Variants in CSMD2 observed in about 807,000 individuals in gnomAD.
CSMD2 encodes the protein CUB and Sushi multiple domains 2, also known as CUB and sushi domain-containing protein 2.
A neutral mutation model predicts 398.5 loss-of-function variants in CSMD2; 130 were observed. That is an observed-to-expected ratio of 0.33 (90% CI 0.28 to 0.38). CSMD2 has a LOEUF of 0.38. CSMD2 is among the 10% of genes least tolerant of loss of function. CSMD2 has a pLI of 1.00. For synonymous variants in CSMD2, 1,828 were observed against 1,908.5 expected, an observed-to-expected ratio of 0.96 and a Z score of 1.10; for missense variants, 3,829 against 4,764.9, an observed-to-expected ratio of 0.80 and a Z score of 5.78.
At chr1:33,541,593 A>C (rs1656347047) in intron 58 of CSMD2, among the ~76,000 whole-genome samples, 1 of 152,166 alleles carries the variant, frequency 6.6e-6, no homozygotes, top group Non-Finnish European at 1.5e-5. Flanking sequence ...CAGCCTTCTG[A>C]GTAGCTGGGA....
At chr1:33,958,072 C>T (rs553329071) in intron 3 of CSMD2, among the ~76,000 whole-genome samples, 13 of 152,108 alleles carry the variant, frequency 8.5e-5, no homozygotes, top group African/African-American at 3.1e-4. Flanking sequence ...CATGGCAACG[C>T]TTTATGAAAC....
At chr1:33,528,310 A>G (rs1453396893) in intron 64 of CSMD2, among the ~76,000 whole-genome samples, 1 of 152,244 alleles carries the variant, frequency 6.6e-6, no homozygotes, top group Non-Finnish European at 1.5e-5. Flanking sequence ...TGAACAGGAA[A>G]GTCATGACCA....
intron 3 of CSMD2, among the ~76,000 whole-genome samples, chr1:33,938,504 T>C (rs60922716): frequency 1.8e-4 from 24 of 130,224 alleles, no homozygotes; most frequent in Middle Eastern, 5.7e-3. Flanking sequence ...CTGCTGCTGG[T>C]TTACTTGGCA....
chr1:33,517,698 A>T (rs892810442), intron 70 of CSMD2, among the ~76,000 whole-genome samples: 2 of 152,192 alleles, frequency 1.3e-5, no homozygotes, highest in African/African-American at 2.4e-5. Flanking sequence ...TGTTTTGGAG[A>T]GACGTAAAAA....
At chr1:33,874,821 G>C (rs925786947) in intron 5 of CSMD2, among the ~76,000 whole-genome samples, 1 of 152,204 alleles carries the variant, frequency 6.6e-6, no homozygotes, top group South Asian at 2.1e-4. Flanking sequence ...ATGTTACAAC[G>C]AACAGATGCG....
intron 25 of CSMD2, among the ~76,000 whole-genome samples, chr1:33,669,373 C>G (rs1419673649): frequency 6.6e-6 from 1 of 151,966 alleles, no homozygotes; most frequent in African/African-American, 2.4e-5. Flanking sequence ...GATCCAGTTC[C>G]CCTCCCATCC....
chr1:33,514,246 C>T lies in CSMD2; in HGVS notation c.*2378G>A, dbSNP rs1192274534. 5 of 150,188 alleles carry T rather than the reference C, an allele frequency of 3.3e-5. No homozygotes were observed. The highest frequency in any genetic ancestry group is 2.0e-4 in the East Asian group (1 of 5,096). 9.3% of individuals were successfully genotyped at this position (150,188 alleles called of 1,614,324 possible). On this transcript the variant is annotated 3_prime_UTR_variant, in exon 71 of 71. Transcript: ENST00000373381. ...CATTTACAAAAAAGGCTTCCACTACCGTTTACCTACAATAATGAAAAAAAA... is the reference window on the plus strand; with the variant it reads ...CATTTACAAAAAAGGCTTCCACTACTGTTTACCTACAATAATGAAAAAAAA...
At chr1:33,699,633 C>T (rs1257504234) in intron 23 of CSMD2, among the ~76,000 whole-genome samples, 1 of 152,162 alleles carries the variant, frequency 6.6e-6, no homozygotes, top group Non-Finnish European at 1.5e-5. Context: ...TGAGCCCAGA[C>T]GAGGGGAAAC....
intron 1 of CSMD2, among the ~76,000 whole-genome samples, chr1:34,132,696 T>C (rs1250678992): frequency 6.6e-6 from 1 of 152,168 alleles, no homozygotes; most frequent in East Asian, 1.9e-4. Flanking sequence ...AAGAGGCAAA[T>C]TCTCTCTCCT....
chr1:33,883,709 G>C (rs1196501503), intron 5 of CSMD2, among the ~76,000 whole-genome samples: 1 of 152,188 alleles, frequency 6.6e-6, no homozygotes, highest in Non-Finnish European at 1.5e-5. Flanking sequence ...GGAGTCTACA[G>C]TCAAAGACCC....
chr1:33,962,033 C>T (rs1019748023), intron 3 of CSMD2, among the ~76,000 whole-genome samples: 4 of 152,150 alleles, frequency 2.6e-5, no homozygotes, highest in African/African-American at 9.7e-5. Flanking sequence ...CAGACACTGG[C>T]ACCTAGTAAG....
chr1:34,150,403 T>A (rs1189563622), intron 1 of CSMD2, among the ~76,000 whole-genome samples: 1 of 152,156 alleles, frequency 6.6e-6, no homozygotes, highest in Non-Finnish European at 1.5e-5. Flanking sequence ...CATTTTTAAC[T>A]GGGAAACCTG....
chr1:34,062,053 T>C (rs1372427526), intron 2 of CSMD2, among the ~76,000 whole-genome samples: 1 of 152,204 alleles, frequency 6.6e-6, no homozygotes, highest in Admixed American at 6.5e-5. Context: ...CCCAATGTCA[T>C]GAGTGTGCTG....
rs374649925 is a variant in CSMD2, at chr1:33,533,950, G to A, written c.9880-43C>T. The A allele has an allele frequency of 4.7e-4, 605 of 1,284,238 alleles. No homozygotes were observed. The African/African-American group carries it at 6.2e-3, about 13-fold the overall frequency. 79.6% of individuals were successfully genotyped at this position (1,284,238 alleles called of 1,614,324 possible). A position where few individuals can be genotyped will look rare whatever the true frequency, so the allele number is the denominator to read the frequency against. ...GTCCCATCAGCCCCTTCCTTTCAGC[G>A]GTGCTTCCTACGTCTGTCCCTTGAC... On this transcript the variant is annotated intron_variant, in intron 62 of 70. Transcript: ENST00000373381. The surrounding 1 kb of genome is among the most constrained non-coding windows in gnomAD (Gnocchi z 4.2).
chr1:33,906,500 A>C (rs189718041), intron 5 of CSMD2, among the ~76,000 whole-genome samples: 2 of 152,336 alleles, frequency 1.3e-5, no homozygotes, highest in Non-Finnish European at 2.9e-5. Flanking sequence ...CAGTGGTAGA[A>C]AGGATGGAAA....
chr1:33,613,355 G>T (rs1054658091), intron 40 of CSMD2, among the ~76,000 whole-genome samples: 1 of 152,166 alleles, frequency 6.6e-6, no homozygotes, highest in African/African-American at 2.4e-5. Flanking sequence ...CCTCAAGACT[G>T]GATGCAGAGG....
chr1:34,165,791 G>A (rs1161127758), upstream of CSMD2: 1 of 1,614,002 alleles, frequency 6.2e-7, no homozygotes, highest in South Asian at 1.1e-5. Context: ...TCTAGGGCCG[G>A]GGGCGATGCT....
intron 1 of CSMD2, among the ~76,000 whole-genome samples, chr1:34,097,005 C>G (rs1354596405): frequency 2.0e-5 from 3 of 149,772 alleles, no homozygotes; most frequent in Non-Finnish European, 3.0e-5. Context: ...TACCTGACTT[C>G]AAACTATACC....
chr1:33,835,505 G>C (rs1205178344), intron 6 of CSMD2, among the ~76,000 whole-genome samples: 1 of 60,486 alleles, frequency 1.7e-5, no homozygotes, highest in Non-Finnish European at 2.6e-5. Context: ...ACTGTTGTGG[G>C]GTGGGGGTAG....
Sources: allele counts gnomAD v4.1 joint callset (sites outside exome capture counted in the v4.1 genomes callset), GRCh38; gene constraint gnomAD v4.1.1; non-coding constraint Gnocchi (gnomAD v3.1); transcripts MANE v1.5; gene names NCBI Gene and HGNC (gene_info 2026-07-23, HGNC 2026-07-21).